CACUL1: variants seen among roughly 807,000 people sequenced by gnomAD.
The protein encoded by CACUL1 is CDK2 associated cullin domain 1.
A neutral mutation model predicts 45.2 loss-of-function variants in CACUL1; 13 were observed. That is an observed-to-expected ratio of 0.29 (90% CI 0.19 to 0.46). CACUL1 has a LOEUF of 0.46. Ranked by LOEUF, CACUL1 falls within the 20% of genes least tolerant of loss-of-function variation. The pLI, the probability that CACUL1 is intolerant of heterozygous loss-of-function variation, is 1.00. For missense variants in CACUL1, 421 were observed against 471.4 expected, an observed-to-expected ratio of 0.89 and a Z score of 0.99; for synonymous variants, 197 against 174.2, an observed-to-expected ratio of 1.13 and a Z score of -1.03.
chr10:118,698,306 G>A (rs1845343917), intron 5 of CACUL1, among the ~76,000 whole-genome samples: 1 of 151,964 alleles, frequency 6.6e-6, no homozygotes, highest in Non-Finnish European at 1.5e-5. Context: ...ACCACACCCG[G>A]CTAATTTTTG....
chr10:118,687,105 T>C (rs1471017719), intron 7 of CACUL1, among the ~76,000 whole-genome samples: 1 of 152,178 alleles, frequency 6.6e-6, no homozygotes, highest in Non-Finnish European at 1.5e-5. Context: ...ACAGCACACA[T>C]TCCTGACCTT....
intron 1 of CACUL1, 79 bp downstream of exon 1, chr10:118,754,317 G>A (rs1284034877): frequency 2.1e-6 from 3 of 1,426,868 alleles, no homozygotes; most frequent in Non-Finnish European, 2.8e-6. Flanking sequence ...AGGAAGCGGA[G>A]CTTTCTCCAA....
chr10:118,725,802 A>C (rs572439168), intron 3 of CACUL1, among the ~76,000 whole-genome samples: 132 of 152,350 alleles, frequency 8.7e-4, no homozygotes, highest in African/African-American at 3.0e-3. Context: ...ATTATTCTAA[A>C]ATCTCTAAAA....
In CACUL1 at chr10:118,680,418, A is replaced by G. The variant is rs535302046; in HGVS notation, c.*5710T>C. On this transcript the variant is annotated 3_prime_UTR_variant, in exon 9 of 9. Transcript: ENST00000369151. ...TAACCAAAAAGTAGATAACATCACA[A>G]CAGAGCTGAGGTCAAAAAAATGGAA... 2.0e-5 allele frequency: 3 copies of G among 152,380 alleles called. No individual in the cohort carries two copies. In the East Asian group the frequency reaches 5.8e-4, roughly 29 times the overall value. The allele number at this position is 152,380 out of a possible 1,614,324, so 9.4% of individuals were successfully genotyped here. A position where few individuals can be genotyped will look rare whatever the true frequency, so the allele number is the denominator to read the frequency against.
chr10:118,719,096 C>G (rs1845575299), intron 3 of CACUL1, among the ~76,000 whole-genome samples: 1 of 152,052 alleles, frequency 6.6e-6, no homozygotes, highest in Admixed American at 6.6e-5. Flanking sequence ...ATGCAATGAC[C>G]TAGTAGAAAA....
intron 4 of CACUL1, among the ~76,000 whole-genome samples, chr10:118,706,682 T>C (rs890992108): frequency 6.6e-6 from 1 of 152,218 alleles, no homozygotes; most frequent in African/African-American, 2.4e-5. Context: ...TGGCATTACA[T>C]TGACTAGAAA....
chr10:118,716,125 C>T (rs895160628), intron 3 of CACUL1, among the ~76,000 whole-genome samples: 6 of 151,292 alleles, frequency 4.0e-5, no homozygotes, highest in Non-Finnish European at 7.4e-5. Flanking sequence ...CCAGCTACTC[C>T]GGAGGCTGAG....
At chr10:118,691,498 C>A in intron 6 of CACUL1, 95 bp from the exon 7 acceptor site, 1 of 1,098,696 alleles carries the variant, frequency 9.1e-7, no homozygotes, top group Non-Finnish European at 1.3e-6. Context: ...TATAGTAAGC[C>A]AAATTTAAGC....
intron 1 of CACUL1, among the ~76,000 whole-genome samples, chr10:118,739,709 A>C (rs1200497131): frequency 6.6e-6 from 1 of 152,254 alleles, no homozygotes; most frequent in South Asian, 2.1e-4. Flanking sequence ...CTGAGTGGCA[A>C]CTATGCACTG....
intron 3 of CACUL1, among the ~76,000 whole-genome samples, chr10:118,715,126 AAT>A (rs771426117): frequency 7.2e-5 from 11 of 152,236 alleles, no homozygotes; most frequent in Admixed American, 3.9e-4. Context: ...AGAACTAGAT[AAT>A]AGTCTTATGC....
chr10:118,744,658 T>C (rs969629797), intron 1 of CACUL1, among the ~76,000 whole-genome samples: 1 of 152,158 alleles, frequency 6.6e-6, no homozygotes, highest in African/African-American at 2.4e-5. Flanking sequence ...CCAAGTTTTT[T>C]TGGGGGGCCG....
At chr10:118,747,718 TAC>T (rs1845858181) in intron 1 of CACUL1, among the ~76,000 whole-genome samples, 1 of 152,148 alleles carries the variant, frequency 6.6e-6, no homozygotes, top group South Asian at 2.1e-4. Context: ...TATGAAATCC[TAC>T]AGTGACAGAA....
At chr10:118,751,182 CTTG>C (rs749803717) in intron 1 of CACUL1, among the ~76,000 whole-genome samples, 1 of 152,152 alleles carries the variant, frequency 6.6e-6, no homozygotes, top group Admixed American at 6.5e-5. Context: ...ATCATCATCC[CTTG>C]TTAATTTTAG....
At chr10:118,719,855 T>C (rs73423964) in intron 3 of CACUL1, among the ~76,000 whole-genome samples, 7,392 of 152,152 alleles carry the variant, frequency 0.049, 582 homozygotes, top group African/African-American at 0.17. Context: ...CAAACATATC[T>C]GACATTCCAT....
rs751350647 is a variant in CACUL1 at position 118,707,482 on chromosome 10, TCTTA to T, written c.693+6_693+9del. On this transcript the variant is annotated splice_donor_region_variant and intron_variant, in intron 4 of 8. Coordinates refer to ENST00000369151, the MANE Select transcript of CACUL1 (RefSeq NM_153810.5). ...AGGTATTTGGGAAGGAGGAAGGAGCTCTTACTTACCATATATATGAAAAGAGGCA... is the reference window on the plus strand; with the variant it reads ...AGGTATTTGGGAAGGAGGAAGGAGCTCTTACCATATATATGAAAAGAGGCA... 33 of 1,293,044 alleles carry T rather than the reference TCTTA, an allele frequency of 2.6e-5. No homozygotes were observed. Among genetic ancestry groups the T allele is most frequent in the Middle Eastern group, 3.7e-4 (2 of 5,424 alleles). 80.1% of individuals were successfully genotyped at this position (1,293,044 alleles called of 1,614,324 possible). A position where few individuals can be genotyped will look rare whatever the true frequency, so the allele number is the denominator to read the frequency against.
At chr10:118,706,687 T>C (rs1268534974) in intron 4 of CACUL1, among the ~76,000 whole-genome samples, 1 of 152,352 alleles carries the variant, frequency 6.6e-6, no homozygotes, top group Middle Eastern at 3.4e-3. Context: ...TTACATTGAC[T>C]AGAAAACTCG....
At chr10:118,689,027 C>A (rs1277631038) in intron 7 of CACUL1, among the ~76,000 whole-genome samples, 1 of 152,164 alleles carries the variant, frequency 6.6e-6, no homozygotes, top group Non-Finnish European at 1.5e-5. Flanking sequence ...TAACAATGAA[C>A]AGGAATCACG....
rs548897015 is a variant in CACUL1, at chr10:118,678,219, T to C, written c.*7909A>G. Reference sequence around the variant, plus strand: ...TCTTTAGCAGTTATATTATGAATATTTGTATCTTATTCCAGATTTGGCTTC... The same window carrying C: ...TCTTTAGCAGTTATATTATGAATATCTGTATCTTATTCCAGATTTGGCTTC... On this transcript the variant is annotated 3_prime_UTR_variant, in exon 9 of 9. Coordinates refer to ENST00000369151, the MANE Select transcript of CACUL1 (RefSeq NM_153810.5). 6.6e-6 allele frequency: 1 copy of C among 152,352 alleles called. No individual in the cohort carries two copies. The highest frequency in any genetic ancestry group is 2.4e-5 in the African/African-American group (1 of 41,574). The allele number at this position is 152,352 out of a possible 1,614,324, so 9.4% of individuals were successfully genotyped here.
Position 118,679,965 on chromosome 10 carries a change from T to C in CACUL1, c.*6163A>G, listed in dbSNP as rs1845137773. ...CTTTTTCTTTACATATTTTGAGGTA[T>C]ACTATTAGACATGTAGGTACATTAC... On this transcript the variant is annotated 3_prime_UTR_variant, in exon 9 of 9. Transcript: ENST00000369151. The C allele has an allele frequency of 6.6e-6, 1 of 152,168 alleles. No individual in the cohort carries two copies. The highest frequency in any genetic ancestry group is 2.4e-5 in the African/African-American group (1 of 41,428). 9.4% of individuals were successfully genotyped at this position (152,168 alleles called of 1,614,324 possible).
Sources: gnomAD v4.1 joint callset for allele counts (sites outside exome capture counted in the v4.1 genomes callset) on GRCh38, gnomAD v4.1.1 for gene constraint, MANE v1.5 for transcripts, NCBI Gene and HGNC (gene_info 2026-07-23, HGNC 2026-07-21) for gene names.